Variants in ELOVL6 observed in about 807,000 individuals in gnomAD.
ELOVL6 encodes very long chain fatty acid elongase 6.
Under a neutral mutation model 31.7 loss-of-function variants are expected in ELOVL6, and 8 were observed. The ratio of observed to expected loss-of-function variants is 0.25; its 90% CI spans 0.15 to 0.45. The LOEUF (loss-of-function observed/expected upper bound fraction) is 0.45, where lower values mean the gene tolerates loss of function less well. Ranked by LOEUF, ELOVL6 falls within the 20% of genes least tolerant of loss-of-function variation. The pLI is 1.00. For synonymous variants in ELOVL6, 101 were observed against 117.7 expected (o/e 0.86, Z 0.92); for missense variants, 126 against 326.4 (o/e 0.39, Z 4.73).
chr4:110,148,313 A>G (rs993736487), intron 1 of ELOVL6, among the ~76,000 whole-genome samples: 10 of 152,144 alleles, frequency 6.6e-5, no homozygotes, highest in African/African-American at 2.4e-4. Context: ...TTAAAGGACA[A>G]AAAATACATG....
At chr4:110,120,307 T>C (rs1281580297) in intron 1 of ELOVL6, among the ~76,000 whole-genome samples, 1 of 150,642 alleles carries the variant, frequency 6.6e-6, no homozygotes, top group Non-Finnish European at 1.5e-5. Flanking sequence ...TATTTAGCTA[T>C]GTTTACACAG....
chr4:110,091,083 C>A (rs74402836), intron 2 of ELOVL6, among the ~76,000 whole-genome samples: 1 of 152,180 alleles, frequency 6.6e-6, no homozygotes, highest in Non-Finnish European at 1.5e-5. Context: ...TTAATAAATA[C>A]ATGAGGCAGA....
chr4:110,055,478 T>C (rs1320879951), intron 3 of ELOVL6, among the ~76,000 whole-genome samples: 1 of 152,190 alleles, frequency 6.6e-6, no homozygotes, highest in East Asian at 1.9e-4. Flanking sequence ...TTCTCTAACC[T>C]TTGGTCCAAC....
intron 1 of ELOVL6, among the ~76,000 whole-genome samples, chr4:110,173,500 C>T (rs1031439528): frequency 1.3e-5 from 2 of 151,092 alleles, no homozygotes; most frequent in African/African-American, 4.9e-5. Flanking sequence ...AAAAGGCCAC[C>T]TTTACTTTGC....
chr4:110,150,115 T>C (rs28494134), intron 1 of ELOVL6, among the ~76,000 whole-genome samples: 4,354 of 152,310 alleles, frequency 0.029, 221 homozygotes, highest in African/African-American at 0.098. Context: ...TCTCACTATG[T>C]GGCCCAGGCT....
rs112902391 is a variant in ELOVL6, at chr4:110,100,111, G to A, written c.221+5386C>T. On this transcript the variant is annotated intron_variant, in intron 2 of 3. Coordinates refer to ENST00000302274, the MANE Select transcript of ELOVL6 (RefSeq NM_024090.3). ...TCCTTGGGTTAGGTGGGATGTAGGT[G>A]GAAGTTGGTCACTATGCCATCATAC... Among the ~76,000 whole-genome samples the A allele has an allele frequency of 3.7e-3, 564 of 152,284 alleles. 5 individuals carry two copies. Among genetic ancestry groups the A allele is most frequent in the African/African-American group, 0.013 (539 of 41,534 alleles).
intron 1 of ELOVL6, among the ~76,000 whole-genome samples, chr4:110,143,450 G>A (rs930148786): frequency 6.6e-6 from 1 of 152,078 alleles, no homozygotes; most frequent in Non-Finnish European, 1.5e-5. Flanking sequence ...ATTTTCAGAA[G>A]AAAAATGTTA....
intron 2 of ELOVL6, among the ~76,000 whole-genome samples, chr4:110,079,678 A>G (rs545761264): frequency 1.3e-5 from 2 of 152,362 alleles, no homozygotes; most frequent in South Asian, 4.1e-4. Flanking sequence ...AATTAAAAGA[A>G]CTAGAGAAGC....
intron 2 of ELOVL6, among the ~76,000 whole-genome samples, chr4:110,090,645 G>A (rs111509950): frequency 0.13 from 16,864 of 131,422 alleles, 1,193 homozygotes; most frequent in South Asian, 0.22. Flanking sequence ...TCGCTCTGTC[G>A]CCAGGCTGGA....
intron 1 of ELOVL6, among the ~76,000 whole-genome samples, chr4:110,129,917 T>G (rs1269955616): frequency 9.1e-6 from 1 of 110,184 alleles, no homozygotes; most frequent in Non-Finnish European, 1.9e-5. Context: ...TTTTTTTTGG[T>G]GAGACAGAGT....
At chr4:110,168,312 C>G (rs554940338) in intron 1 of ELOVL6, among the ~76,000 whole-genome samples, 46 of 151,964 alleles carry the variant, frequency 3.0e-4, no homozygotes, top group African/African-American at 1.1e-3. Context: ...GCCCAGAGTT[C>G]GAGACCGGCT....
At chr4:110,084,261 CTT>C (rs1756093459) in intron 2 of ELOVL6, among the ~76,000 whole-genome samples, 1 of 117,914 alleles carries the variant, frequency 8.5e-6, no homozygotes, top group African/African-American at 3.4e-5. Flanking sequence ...TAACATATAG[CTT>C]ATATGTGATA....
chr4:110,182,769 G>C (rs1027760627), intron 1 of ELOVL6, among the ~76,000 whole-genome samples: 1 of 152,098 alleles, frequency 6.6e-6, no homozygotes, highest in African/African-American at 2.4e-5. Flanking sequence ...TTAGCCAGGC[G>C]TGGTGGCCCA....
At chr4:110,085,325 CA>C (rs778745336) in intron 2 of ELOVL6, among the ~76,000 whole-genome samples, 6 of 152,236 alleles carry the variant, frequency 3.9e-5, no homozygotes, top group Non-Finnish European at 5.9e-5. Context: ...ACTGAGATAA[CA>C]ACTTCCTCAA....
chr4:110,173,958 C>A (rs937715685), intron 1 of ELOVL6, among the ~76,000 whole-genome samples: 1 of 139,700 alleles, frequency 7.2e-6, no homozygotes, highest in Non-Finnish European at 1.6e-5. Context: ...ATGTAACAAA[C>A]CTTCACATGT....
intron 2 of ELOVL6, among the ~76,000 whole-genome samples, chr4:110,079,367 G>T (rs1187472543): frequency 1.3e-5 from 2 of 152,234 alleles, no homozygotes; most frequent in East Asian, 1.9e-4. Flanking sequence ...AAATGGAAAA[G>T]AACAGAAATT....
chr4:110,081,793 A>C (rs569723629), intron 2 of ELOVL6, among the ~76,000 whole-genome samples: 1 of 148,728 alleles, frequency 6.7e-6, no homozygotes, highest in Admixed American at 6.7e-5. Flanking sequence ...AACTACCATC[A>C]GAGTGAACAG....
chr4:110,118,975 GGCTTTA>G (rs1187650865), intron 1 of ELOVL6, among the ~76,000 whole-genome samples: 1 of 152,168 alleles, frequency 6.6e-6, no homozygotes, highest in African/African-American at 2.4e-5. Context: ...GTAGGTGAAT[GGCTTTA>G]GCTTGGGAGG....
chr4:110,084,252 A>AACATGTATGATATATATC (rs1756090886), intron 2 of ELOVL6, among the ~76,000 whole-genome samples: 54 of 118,688 alleles, frequency 4.5e-4, no homozygotes, highest in Non-Finnish European at 7.3e-4. Flanking sequence ...TGATATATAT[A>AACATGTATGATATATATC]ACATATAGCT....
Sources: gnomAD v4.1 joint callset for allele counts (sites outside exome capture counted in the v4.1 genomes callset) on GRCh38, gnomAD v4.1.1 for gene constraint, MANE v1.5 for transcripts, NCBI Gene and HGNC (gene_info 2026-07-23, HGNC 2026-07-21) for gene names.